The following PPFIA2 variants were observed in gnomAD, a reference collection of about 807,000 sequenced individuals.
PPFIA2 encodes liprin-alpha-2.
In PPFIA2, 46 loss-of-function variants were observed where a neutral mutation model predicts 175.5. That is an observed-to-expected ratio of 0.26 (90% CI 0.21 to 0.34). The LOEUF (loss-of-function observed/expected upper bound fraction) is 0.34, where lower values mean the gene tolerates loss of function less well. Among genes scored for constraint, PPFIA2 ranks in the 10% least tolerant of loss-of-function variants. The probability of loss-of-function intolerance (pLI) is 1.00; values close to 1 mark genes in which losing one functional copy is unlikely to be tolerated. For missense variants in PPFIA2, 1,179 were observed against 1,506.1 expected (o/e 0.78, Z 3.60); for synonymous variants, 568 against 511.4 (o/e 1.11, Z -1.49).
rs1595178975 is a variant in PPFIA2, at chr12:81,344,658, C to A, written c.2262+6G>T. ...TTCGTAATGATGTAAAAGTTATTTA[C>A]TGTACCTTTCTCCGATGTTTCCTCA... is the stretch of plus-strand genomic sequence containing the variant. On this transcript the variant is annotated splice_donor_region_variant and intron_variant, in intron 19 of 32. Coordinates refer to ENST00000549396, the MANE Select transcript of PPFIA2 (RefSeq NM_003625.5). The A allele has an allele frequency of 6.4e-7, 1 of 1,550,652 alleles. No homozygotes were observed. Among genetic ancestry groups the A allele is most frequent in the Admixed American group, 1.9e-5 (1 of 53,530 alleles).
intron 4 of PPFIA2, among the ~76,000 whole-genome samples, chr12:81,571,417 T>C (rs907083887): frequency 8.5e-5 from 13 of 152,132 alleles, no homozygotes; most frequent in African/African-American, 3.1e-4. Flanking sequence ...TTGACCTAGC[T>C]ACCAGCAACG....
At chr12:81,313,009 G>T (rs1252953228) in intron 22 of PPFIA2, among the ~76,000 whole-genome samples, 1 of 151,886 alleles carries the variant, frequency 6.6e-6, no homozygotes, top group Non-Finnish European at 1.5e-5. Flanking sequence ...TATTTGAATA[G>T]GTGTTTATAA....
At chr12:81,452,527 G>A (rs17008582) in intron 5 of PPFIA2, among the ~76,000 whole-genome samples, 10,553 of 152,184 alleles carry the variant, frequency 0.069, 508 homozygotes, top group African/African-American at 0.13. Flanking sequence ...TTGGGAGGGC[G>A]TATGTCCTAT....
Position 81,648,756 on chromosome 12 carries a change from G to C in PPFIA2, c.303+28035C>G, listed in dbSNP as rs1352789762. On this transcript the variant is annotated intron_variant, in intron 4 of 32. Coordinates refer to ENST00000549396, the MANE Select transcript of PPFIA2 (RefSeq NM_003625.5). ...TTTCAAGGATTAGTATAAAATTGCA[G>C]TAATAATGACTCTATTATTGGCAAA... 2.0e-5 allele frequency among the ~76,000 whole-genome samples: 3 copies of C among 151,766 alleles called. No homozygotes were observed. In the East Asian group the frequency reaches 5.8e-4, roughly 29 times the overall value.
intron 4 of PPFIA2, among the ~76,000 whole-genome samples, chr12:81,566,075 C>T (rs928241323): frequency 1.3e-5 from 2 of 152,214 alleles, no homozygotes; most frequent in East Asian, 3.9e-4. Context: ...CCTGGATGGT[C>T]CCTCAGGGAA....
chr12:81,584,515 T>A (rs890652650), intron 4 of PPFIA2, among the ~76,000 whole-genome samples: 5 of 151,666 alleles, frequency 3.3e-5, no homozygotes, highest in African/African-American at 9.7e-5. Context: ...CAGTTATACA[T>A]CATCTAATGA....
intron 28 of PPFIA2, chr12:81,270,615 G>C (rs1323542456): frequency 6.6e-6 from 1 of 152,216 alleles, no homozygotes; most frequent in African/African-American, 2.4e-5. Flanking sequence ...CAAATCACCA[G>C]AAGTCAGGGG....
chr12:81,287,049 T>C (rs2043624787), intron 24 of PPFIA2, among the ~76,000 whole-genome samples: 1 of 151,954 alleles, frequency 6.6e-6, no homozygotes, highest in Non-Finnish European at 1.5e-5. Context: ...TGCTGAAAAG[T>C]ACTTTACATG....
rs1417500034 is a variant in PPFIA2, at chr12:81,321,025, C to T, written c.2642+4752G>A. 4.9e-5 allele frequency among the ~76,000 whole-genome samples: 7 copies of T among 142,264 alleles called. No homozygotes were observed. The East Asian group carries it at 1.5e-3, about 31-fold the overall frequency. The allele number at this position is 142,264 out of a possible 152,430, so 93.3% of individuals were successfully genotyped here. ...ACCTACTTACGGCATTTCTGAACAC[C>T]AAAGATAAAGCAAAAATAAATAAAT... On this transcript the variant is annotated intron_variant, in intron 22 of 32. Coordinates refer to ENST00000549396, the MANE Select transcript of PPFIA2 (RefSeq NM_003625.5).
chr12:81,382,303 T>C lies in PPFIA2; in HGVS notation c.984+1720A>G, dbSNP rs559298749. On this transcript the variant is annotated intron_variant, in intron 9 of 32. Transcript: ENST00000549396. ...GGTCAGGAAGGTGGTAGTAGAGAGA[T>C]TGTACATGGCTTGTAGACCACTGTG... Among the ~76,000 whole-genome samples the C allele has an allele frequency of 4.6e-5, 7 of 152,190 alleles. No individual in the cohort carries two copies. In the East Asian group the frequency reaches 1.4e-3, roughly 29 times the overall value.
At chr12:81,411,866 A>C (rs1388994924) in intron 7 of PPFIA2, among the ~76,000 whole-genome samples, 1 of 152,060 alleles carries the variant, frequency 6.6e-6, no homozygotes, top group South Asian at 2.1e-4. Flanking sequence ...AGAGAAAATC[A>C]AACCAAGTGA....
At chr12:81,353,056 C>T (rs2060206) in intron 17 of PPFIA2, 63 bp downstream of exon 17, 163,457 of 1,445,832 alleles carry the variant, frequency 0.11, 14,956 homozygotes, top group East Asian at 0.44. Context: ...CTAGTAATTA[C>T]ATTTTTAGTA....
intron 4 of PPFIA2, among the ~76,000 whole-genome samples, chr12:81,480,553 C>T (rs1270380256): frequency 6.6e-6 from 1 of 152,128 alleles, no homozygotes; most frequent in African/African-American, 2.4e-5. Flanking sequence ...GATTTATCTA[C>T]CTTTGGTCTT....
intron 4 of PPFIA2, among the ~76,000 whole-genome samples, chr12:81,495,272 T>C (rs1030587145): frequency 6.6e-6 from 1 of 152,166 alleles, no homozygotes; most frequent in Non-Finnish European, 1.5e-5. Context: ...ATTTCTGATA[T>C]AATGTAAATT....
intron 22 of PPFIA2, among the ~76,000 whole-genome samples, chr12:81,318,948 C>A (rs1401741569): frequency 6.6e-6 from 1 of 151,608 alleles, no homozygotes; most frequent in African/African-American, 2.4e-5. Context: ...GAAAAATTAT[C>A]ATTTTCATGT....
intron 3 of PPFIA2, among the ~76,000 whole-genome samples, chr12:81,744,984 A>C (rs2082854599): frequency 6.6e-6 from 1 of 152,168 alleles, no homozygotes; most frequent in Admixed American, 6.5e-5. Context: ...GAATGTTCGG[A>C]ATATTAATTG....
chr12:81,374,799 AAG>A, intron 10 of PPFIA2, 31 bp from the exon 11 acceptor site: 1 of 1,594,446 alleles, frequency 6.3e-7, no homozygotes, highest in Non-Finnish European at 8.6e-7. Context: ...GAGACACTTA[AAG>A]AGTCAGAGTT....
rs1281142346 is a variant in PPFIA2, at chr12:81,737,619, CAT to C, written c.249+16352_249+16353del. 2.0e-5 allele frequency among the ~76,000 whole-genome samples: 3 copies of C among 151,806 alleles called. No individual in the cohort carries two copies. The South Asian group carries it at 6.2e-4, about 31-fold the overall frequency. The stretch of plus-strand genomic sequence containing the variant: ...AATGAAACAGATAAAAGGAATTCCT[CAT>C]ATTCAAGTTAGCAGAAAGACTTAAA... On this transcript the variant is annotated intron_variant, in intron 3 of 32. Transcript: ENST00000549396.
At chr12:81,649,116 T>C (rs146069183) in intron 4 of PPFIA2, among the ~76,000 whole-genome samples, 1,854 of 152,068 alleles carry the variant, frequency 0.012, 47 homozygotes, top group East Asian at 0.042. Flanking sequence ...TTGGACTTAA[T>C]CAAAATTAAA....
Sources: allele counts gnomAD v4.1 joint callset (sites outside exome capture counted in the v4.1 genomes callset), GRCh38; gene constraint gnomAD v4.1.1; transcripts MANE v1.5; gene names NCBI Gene and HGNC (gene_info 2026-07-23, HGNC 2026-07-21).